The following SEC14L5 variants were observed in gnomAD, a reference collection of about 807,000 sequenced individuals.
The protein encoded by SEC14L5 is SEC14 like lipid binding 5, also known as SEC14-like protein 5.
A neutral mutation model predicts 84.6 loss-of-function variants in SEC14L5; 96 were observed. The observed-to-expected ratio is 1.13, with a 90% confidence interval of 0.96 to 1.34. SEC14L5 has a LOEUF of 1.34. Among genes scored for constraint, SEC14L5 ranks in the 40% most tolerant of loss-of-function variants. The probability of loss-of-function intolerance (pLI) is 0.00; values close to 1 mark genes in which losing one functional copy is unlikely to be tolerated. For missense variants in SEC14L5, 1,224 were observed against 942.5 expected, an observed-to-expected ratio of 1.30 and a Z score of -3.91; for synonymous variants, 546 against 383.4, an observed-to-expected ratio of 1.42 and a Z score of -4.95.
At chr16:4,984,041 C>G (rs1019368539) in intron 2 of SEC14L5, among the ~76,000 whole-genome samples, 1 of 152,072 alleles carries the variant, frequency 6.6e-6, no homozygotes, top group Admixed American at 6.6e-5. Flanking sequence ...TATCATACAA[C>G]TCATTCATTT....
intron 8 of SEC14L5, among the ~76,000 whole-genome samples, chr16:4,998,765 A>T (rs1955643910): frequency 7.3e-6 from 1 of 137,172 alleles, no homozygotes; most frequent in African/African-American, 2.8e-5. Context: ...AAAAAAAAAA[A>T]ATAAACGTTC....
intron 2 of SEC14L5, among the ~76,000 whole-genome samples, chr16:4,983,315 G>A (rs1955446046): frequency 6.6e-6 from 1 of 151,472 alleles, no homozygotes; most frequent in Admixed American, 6.6e-5. Context: ...CTCACAGCAT[G>A]CCCATATATT....
chr16:5,010,257 G>A (rs1448304585), intron 14 of SEC14L5, among the ~76,000 whole-genome samples: 2 of 150,628 alleles, frequency 1.3e-5, no homozygotes, highest in Non-Finnish European at 3.0e-5. Flanking sequence ...CCAGCTACTC[G>A]GGAGGCTAAG....
chr16:5,009,434 C>G (rs1003218349), intron 14 of SEC14L5, among the ~76,000 whole-genome samples: 2 of 152,082 alleles, frequency 1.3e-5, no homozygotes, highest in Non-Finnish European at 2.9e-5. Context: ...AGCGATCCTC[C>G]CATCTCAGCC....
chr16:5,012,479 G>T (rs1263673158), intron 15 of SEC14L5, among the ~76,000 whole-genome samples: 1 of 152,198 alleles, frequency 6.6e-6, no homozygotes, highest in Non-Finnish European at 1.5e-5. Flanking sequence ...GGCTCGGATC[G>T]TGGGGGGACC....
At chr16:4,987,443 G>A in intron 2 of SEC14L5, 114 bp from the exon 3 acceptor site, 4 of 878,120 alleles carry the variant, frequency 4.6e-6, no homozygotes, top group Non-Finnish European at 6.7e-6. Context: ...CCTTCCAGTG[G>A]CCAGGGCTGC....
At chr16:5,014,622 C>T (rs1179271322) in intron 15 of SEC14L5, among the ~76,000 whole-genome samples, 1 of 152,248 alleles carries the variant, frequency 6.6e-6, no homozygotes, top group African/African-American at 2.4e-5. Context: ...ATGCAAGGGC[C>T]TCAGGCCAGG....
At chr16:4,998,601 A>G (rs370336779) in intron 8 of SEC14L5, among the ~76,000 whole-genome samples, 48 of 149,160 alleles carry the variant, frequency 3.2e-4, no homozygotes, top group African/African-American at 1.1e-3. Context: ...AGCCGGGCGT[A>G]GTGGCGGGCG....
At position 4,959,304 on chromosome 16, in the gene SEC14L5, A is replaced by G. The variant is rs1223801977; in HGVS notation, c.-20A>G. The G allele has an allele frequency of 1.2e-6, 2 of 1,610,100 alleles. No homozygotes were observed. Among genetic ancestry groups the G allele is most frequent in the South Asian group, 1.1e-5 (1 of 91,010 alleles). The stretch of plus-strand genomic sequence containing the variant: ...TGCACACCCCTGCCTGGTGACCTCC[A>G]TTGGTGCTCCAGCGTGAACATGGTG... On this transcript the variant is annotated 5_prime_UTR_variant, in exon 2 of 16. Transcript: ENST00000251170.
chr16:4,965,890 C>A (rs1173822325), intron 2 of SEC14L5, among the ~76,000 whole-genome samples: 1 of 151,412 alleles, frequency 6.6e-6, no homozygotes, highest in Non-Finnish European at 1.5e-5. Context: ...AAAAATAAAA[C>A]AATTAGCTGG....
At chr16:4,959,582 A>G (rs949561187) in intron 2 of SEC14L5, among the ~76,000 whole-genome samples, 196 bp downstream of exon 2, 4 of 152,070 alleles carry the variant, frequency 2.6e-5, no homozygotes, top group African/African-American at 9.7e-5. Context: ...AGTGACCAAA[A>G]CACAAAGTCT....
At chr16:4,970,758 G>A (rs927598306) in intron 2 of SEC14L5, among the ~76,000 whole-genome samples, 2 of 152,288 alleles carry the variant, frequency 1.3e-5, no homozygotes, top group African/African-American at 4.8e-5. Flanking sequence ...CTCATGTGGA[G>A]GGGACACGGC....
At chr16:5,008,689 A>G in intron 14 of SEC14L5, 41 bp downstream of exon 14, 1 of 1,546,364 alleles carries the variant, frequency 6.5e-7, no homozygotes. Flanking sequence ...ACCAAGCAGC[A>G]CTGAGTGTCC....
chr16:5,001,698 G>A (rs1454241664), intron 10 of SEC14L5, among the ~76,000 whole-genome samples: 1 of 152,090 alleles, frequency 6.6e-6, no homozygotes, highest in Non-Finnish European at 1.5e-5. Context: ...CTGTTTCCCG[G>A]AGCCAGTACT....
rs749786758 is a variant in SEC14L5, at chr16:4,996,885, C to T, written c.811C>T (p.Leu271=). The change falls in exon 8 of 16, where the codon CTG becomes TTG. Residue 271 remains leucine (L), a synonymous_variant. Transcript: ENST00000251170. ...IPKDEHILRF[L]RAHDFHLDKA... ...CAAAGATGAGCACATCCTTCGGTTC[C>T]TGCGGGCTCATGACTTCCACCTGGA... The T allele has an allele frequency of 3.7e-6, 6 of 1,613,532 alleles. No individual in the cohort carries two copies. The highest frequency in any genetic ancestry group is 2.2e-5 in the South Asian group (2 of 91,040).
chr16:5,007,278 A>G (rs1335538973), intron 12 of SEC14L5, 74 bp from the exon 13 acceptor site: 5 of 1,462,924 alleles, frequency 3.4e-6, no homozygotes, highest in Non-Finnish European at 2.8e-6. Flanking sequence ...GGGGTCACAC[A>G]TCACCCTTCT....
Position 4,987,688 on chromosome 16 carries a change from CCCGCGGCTGCTGCGG to C in SEC14L5, c.196_210del (p.Pro66_Arg70del). On this transcript the variant is annotated inframe_deletion, in exon 3 of 16. Transcript: ENST00000251170. Reference sequence around the variant, plus strand: ...GGAGCTGCCGGCTGCGCGTGGACGCCCCGCGGCTGCTGCGGAAGGTGGGCGGCCCTGGGGCTGGGG... The same window carrying C: ...GGAGCTGCCGGCTGCGCGTGGACGCCAAGGTGGGCGGCCCTGGGGCTGGGG... 6.5e-7 allele frequency: 1 copy of C among 1,531,806 alleles called. No individual in the cohort carries two copies. The allele number at this position is 1,531,806 out of a possible 1,614,324, so 94.9% of individuals were successfully genotyped here. A position where few individuals can be genotyped will look rare whatever the true frequency, so the allele number is the denominator to read the frequency against.
At chr16:5,001,117 G>A (rs1955671971) in intron 10 of SEC14L5, among the ~76,000 whole-genome samples, 192 bp downstream of exon 10, 1 of 152,166 alleles carries the variant, frequency 6.6e-6, no homozygotes, top group South Asian at 2.1e-4. Context: ...GGGAAACTGA[G>A]ATTCAGAATG....
intron 2 of SEC14L5, among the ~76,000 whole-genome samples, chr16:4,968,232 T>C (rs961444679): frequency 6.6e-6 from 1 of 151,366 alleles, no homozygotes; most frequent in Non-Finnish European, 1.5e-5. Flanking sequence ...CAGGCTGGAG[T>C]GCAGTGGCGC....
Sources: gnomAD v4.1 joint callset for allele counts (sites outside exome capture counted in the v4.1 genomes callset) on GRCh38, gnomAD v4.1.1 for gene constraint, MANE v1.5 for transcripts, NCBI Gene and HGNC (gene_info 2026-07-23, HGNC 2026-07-21) for gene names.